Variants in KIR3DL3 observed in about 807,000 individuals in gnomAD.
KIR3DL3 encodes killer cell immunoglobulin-like receptor 3DL3.
In KIR3DL3, 27 loss-of-function variants were observed where a neutral mutation model predicts 34.9. The observed-to-expected ratio is 0.77, with a 90% CI of 0.57 to 1.07. The LOEUF (loss-of-function observed/expected upper bound fraction) is 1.07. Among genes scored for constraint, KIR3DL3 ranks in the 50% least tolerant of loss-of-function variants. The probability of loss-of-function intolerance (pLI) is 0.00; values close to 1 mark genes in which losing one functional copy is unlikely to be tolerated. For synonymous variants in KIR3DL3, 217 were observed against 200.2 expected (o/e 1.08, Z -0.71); for missense variants, 681 against 528.5 (o/e 1.29, Z -2.83).
In KIR3DL3 at chr19:54,727,643, C is replaced by G. The variant is rs1329189159; in HGVS notation, c.388C>G (p.Pro130Ala). 3.7e-6 allele frequency: 6 copies of G among 1,611,896 alleles called. No homozygotes were observed. The highest frequency in any genetic ancestry group is 1.7e-5 in the Admixed American group (1 of 59,648). The change falls in exon 4 of 8, where the codon CCA becomes GCA. Residue 130 changes from proline to alanine, a missense_variant. Pro to Ala is a conservative substitution (Grantham distance 27, BLOSUM62 -1). Coordinates refer to ENST00000291860, the MANE Select transcript of KIR3DL3 (RefSeq NM_153443.5). ...VHRKPSLLAH[P>A]GPLVKSGETV... ...CAGAAAACCTTCCCTCCTGGCCCAC[C>G]CAGGTCCCCTGGTGAAATCAGGAGA...
At chr19:54,728,727 G>A (rs1442303569) in intron 4 of KIR3DL3, among the ~76,000 whole-genome samples, 1 of 151,078 alleles carries the variant, frequency 6.6e-6, no homozygotes, top group Non-Finnish European at 1.5e-5. Flanking sequence ...CTGAGGGAGG[G>A]GCACAAAGAC....
Position 54,735,753 on chromosome 19 carries a change from A to G in KIR3DL3, c.1055-67A>G. On this transcript the variant is annotated intron_variant, in intron 6 of 7. Transcript: ENST00000291860. ...CTATGGCCTCCCCCTGTATGTTGGT[A>G]TCTGCTTATGAAATGAGGACCCAGA... 2 of 1,571,900 alleles carry G rather than the reference A, an allele frequency of 1.3e-6. 1 individual carries two copies. The highest frequency in any genetic ancestry group is 1.7e-6 in the Non-Finnish European group (2 of 1,150,352).
At chr19:54,725,352 G>A (rs1708017813) in intron 2 of KIR3DL3, 70 bp downstream of exon 2, 2 of 1,165,502 alleles carry the variant, frequency 1.7e-6, no homozygotes, top group Non-Finnish European at 2.4e-6. Flanking sequence ...ACGGGAGGCA[G>A]GCGACACAGG....
rs1326418727 is a variant in KIR3DL3 at position 54,736,419 on chromosome 19, G to A, written c.*323G>A. ...CCCTGCCCACCTCTCCAACCTAACT[G>A]GCTTACTTCCTAGTCTACTTGAGGC... On this transcript the variant is annotated 3_prime_UTR_variant, in exon 8 of 8. Transcript: ENST00000291860. 3.9e-4 allele frequency: 175 copies of A among 443,166 alleles called. 3 individuals are homozygous for A. The highest frequency in any genetic ancestry group is 3.3e-3 in the Middle Eastern group (5 of 1,518). 27.5% of individuals were successfully genotyped at this position (443,166 alleles called of 1,614,324 possible).
In KIR3DL3 at chr19:54,736,289, C is replaced by G. The variant is rs1215726239; in HGVS notation, c.*193C>G. The G allele has an allele frequency of 1.5e-5, 11 of 740,060 alleles. No individual in the cohort carries two copies. Among genetic ancestry groups the G allele is most frequent in the Non-Finnish European group, 2.5e-5 (11 of 436,118 alleles). 45.8% of individuals were successfully genotyped at this position (740,060 alleles called of 1,614,324 possible). ...TAGGGCATCGCTCTTCCTCACACCA[C>G]GAATCTGAACATGCCTCTCTCTTGC... On this transcript the variant is annotated 3_prime_UTR_variant, in exon 8 of 8. Coordinates refer to ENST00000291860, the MANE Select transcript of KIR3DL3 (RefSeq NM_153443.5).
At position 54,727,677 on chromosome 19, in the gene KIR3DL3, T is replaced by A. The variant is rs2068339929; in HGVS notation, c.422T>A (p.Ile141Asn). 1 of 1,612,298 alleles carries A rather than the reference T, an allele frequency of 6.2e-7. No individual in the cohort carries two copies. Among genetic ancestry groups the A allele is most frequent in the African/African-American group, 1.3e-5 (1 of 74,542 alleles). Residue 141 changes from isoleucine to asparagine, a missense_variant, in exon 4 of 8, where the codon ATC (isoleucine) becomes AAC (asparagine). Transcript: ENST00000291860. ...GPLVKSGETV[I>N]LQCWSDVRFE... ...CTGGTGAAATCAGGAGAGACGGTCA[T>A]CCTGCAATGTTGGTCAGATGTCAGG...
In KIR3DL3 at chr19:54,724,543, A is replaced by T; in HGVS notation, c.34+13A>T. On this transcript the variant is annotated intron_variant, in intron 1 of 7. Coordinates refer to ENST00000291860, the MANE Select transcript of KIR3DL3 (RefSeq NM_153443.5). ...ATGGCGTGTGTTGGTGAGTCCTGGA[A>T]GGGAATCGAGGGAGGGAGCGCTGGG... 1 of 1,608,160 alleles carries T rather than the reference A, an allele frequency of 6.2e-7. No individual in the cohort carries two copies. The highest frequency in any genetic ancestry group is 8.5e-7 in the Non-Finnish European group (1 of 1,178,252).
intron 5 of KIR3DL3, among the ~76,000 whole-genome samples, chr19:54,733,982 G>A (rs1189232144): frequency 1.3e-5 from 2 of 152,048 alleles, no homozygotes; most frequent in Non-Finnish European, 2.9e-5. Context: ...GACGGAGAGG[G>A]CGGTCCTTCC....
In KIR3DL3 at chr19:54,726,034, G is replaced by A. The variant is rs1471853037; in HGVS notation, c.71-19G>A. The stretch of plus-strand genomic sequence containing the variant: ...GCTCCACATCCTCCTCTCTAAGGTG[G>A]TGCCTCCTTCTCCCCCAGGTGGTCA... On this transcript the variant is annotated intron_variant, in intron 2 of 7. Transcript: ENST00000291860. 73 of 1,571,434 alleles carry A rather than the reference G, an allele frequency of 4.6e-5. 2 individuals are homozygous for A. Among genetic ancestry groups the A allele is most frequent in the Non-Finnish European group, 1.3e-5 (15 of 1,145,956 alleles).
chr19:54,735,755 C>T, intron 6 of KIR3DL3, 65 bp from the exon 7 acceptor site: 1 of 1,583,160 alleles, frequency 6.3e-7, no homozygotes, highest in Non-Finnish European at 8.6e-7. Flanking sequence ...ATGTTGGTAT[C>T]TGCTTATGAA....
rs1289846296 is a variant in KIR3DL3 at position 54,736,122 on chromosome 19, A to T, written c.*26A>T. The T allele has an allele frequency of 3.7e-6, 6 of 1,610,716 alleles. No homozygotes were observed. In the African/African-American group the frequency reaches 4.1e-5, roughly 11 times the overall value. ...CACGGAACTTCCAAATGCTGAGCGCAGATCCAAAGTTGTCTTCTGTCCACT... is the reference window on the plus strand; with the variant it reads ...CACGGAACTTCCAAATGCTGAGCGCTGATCCAAAGTTGTCTTCTGTCCACT... On this transcript the variant is annotated 3_prime_UTR_variant, in exon 8 of 8. Coordinates refer to ENST00000291860, the MANE Select transcript of KIR3DL3 (RefSeq NM_153443.5).
intron 5 of KIR3DL3, among the ~76,000 whole-genome samples, chr19:54,731,502 A>T (rs35403782): frequency 0.81 from 121,549 of 150,304 alleles, 49,618 homozygotes; most frequent in East Asian, 0.99. Flanking sequence ...CCCCATGCTC[A>T]GGCTGTGCAG....
intron 1 of KIR3DL3, among the ~76,000 whole-genome samples, chr19:54,724,764 T>TAG (rs2067956203): frequency 1.3e-5 from 1 of 79,616 alleles, no homozygotes; most frequent in Admixed American, 1.5e-4. Flanking sequence ...CCTGGAACTG[T>TAG]AGATATGGGC....
intron 5 of KIR3DL3, among the ~76,000 whole-genome samples, chr19:54,732,247 T>A (rs1307145353): frequency 1.8e-5 from 2 of 108,246 alleles, no homozygotes; most frequent in African/African-American, 6.5e-5. Flanking sequence ...TGTGTGTGTG[T>A]TTTTTGTTTT....
In KIR3DL3 at chr19:54,736,620, A is replaced by G. The variant is rs2069681882; in HGVS notation, c.*524A>G. 1 of 160,746 alleles carries G rather than the reference A, an allele frequency of 6.2e-6. No individual in the cohort carries two copies. Among genetic ancestry groups the G allele is most frequent in the South Asian group, 1.7e-4 (1 of 5,760 alleles). The allele number at this position is 160,746 out of a possible 1,614,324, so 10.0% of individuals were successfully genotyped here. Reference sequence around the variant, plus strand: ...GTAGTTTTCTATTCTTCAAGTAAACATGTCTGCCCTCATGGTTTCTTCAAT... The same window carrying G: ...GTAGTTTTCTATTCTTCAAGTAAACGTGTCTGCCCTCATGGTTTCTTCAAT... On this transcript the variant is annotated 3_prime_UTR_variant, in exon 8 of 8. Coordinates refer to ENST00000291860, the MANE Select transcript of KIR3DL3 (RefSeq NM_153443.5).
Position 54,726,045 on chromosome 19 carries a change from TC to T in KIR3DL3, c.71-3del. 1 of 1,597,254 alleles carries T rather than the reference TC, an allele frequency of 6.3e-7. No homozygotes were observed. The highest frequency in any genetic ancestry group is 8.6e-7 in the Non-Finnish European group (1 of 1,167,268). ...TCCTCTCTAAGGTGGTGCCTCCTTCTCCCCCAGGTGGTCAGGACAAGCCCTT... is the reference window on the plus strand; with the variant it reads ...TCCTCTCTAAGGTGGTGCCTCCTTCTCCCCAGGTGGTCAGGACAAGCCCTT... On this transcript the variant is annotated splice_region_variant and splice_polypyrimidine_tract_variant and intron_variant, in intron 2 of 7. Coordinates refer to ENST00000291860, the MANE Select transcript of KIR3DL3 (RefSeq NM_153443.5).
chr19:54,733,698 T>G (rs1277390160), intron 5 of KIR3DL3, among the ~76,000 whole-genome samples: 1 of 152,198 alleles, frequency 6.6e-6, no homozygotes, highest in Non-Finnish European at 1.5e-5. Flanking sequence ...TGGGATCATA[T>G]GGAAAATGTG....
chr19:54,735,398 G>C (rs1341809673), intron 6 of KIR3DL3, 41 bp downstream of exon 6: 1 of 968,930 alleles, frequency 1.0e-6, no homozygotes, highest in South Asian at 1.3e-5. Flanking sequence ...TCAGGGCCAT[G>C]TGGGGAAGCA....
At chr19:54,734,172 G>A (rs1216676231) in intron 5 of KIR3DL3, among the ~76,000 whole-genome samples, 1 of 142,858 alleles carries the variant, frequency 7.0e-6, no homozygotes, top group Non-Finnish European at 1.5e-5. Context: ...ATTTTTTTGA[G>A]TCAAGAGGGT....
Sources: gnomAD v4.1 joint callset for allele counts (sites outside exome capture counted in the v4.1 genomes callset) on GRCh38, gnomAD v4.1.1 for gene constraint, MANE v1.5 for transcripts, NCBI Gene and HGNC (gene_info 2026-07-23, HGNC 2026-07-21) for gene names.